SYMPK: variants seen among roughly 807,000 people sequenced by gnomAD.
SYMPK encodes the protein symplekin scaffold protein.
SYMPK carries 49 observed loss-of-function variants against 136.4 expected under a neutral mutation model. That is an observed-to-expected ratio of 0.36 (90% CI 0.29 to 0.46). SYMPK has a LOEUF of 0.46. SYMPK is among the 20% of genes least tolerant of loss of function. The pLI is 1.00. For synonymous variants in SYMPK, 766 were observed against 713.0 expected (o/e 1.07, Z -1.19); for missense variants, 1,365 against 1,690.0 (o/e 0.81, Z 3.37).
chr19:45,827,671 T>G, intron 15 of SYMPK, 48 bp from the exon 16 acceptor site: 1 of 1,558,190 alleles, frequency 6.4e-7, no homozygotes, highest in Non-Finnish European at 8.9e-7. Context: ...TGAGTGTGCC[T>G]CTGGGCTCTG....
intron 23 of SYMPK, among the ~76,000 whole-genome samples, chr19:45,817,415 C>CTTTTTTTTTTT (rs1568605953): frequency 5.4e-4 from 54 of 100,180 alleles, no homozygotes; most frequent in African/African-American, 2.0e-3. Context: ...TTTTTTTGTT[C>CTTTTTTTTTTT]TCTTTTTTTT....
At chr19:45,826,867 G>A (rs992083747) in intron 16 of SYMPK, among the ~76,000 whole-genome samples, 1 of 152,242 alleles carries the variant, frequency 6.6e-6, no homozygotes, top group Admixed American at 6.5e-5. Flanking sequence ...ACCCAGCAAG[G>A]GCTGGGGCAA....
At position 45,838,442 on chromosome 19, in the gene SYMPK, G is replaced by T; in HGVS notation, c.1242+19C>A. The T allele has an allele frequency of 6.2e-7, 1 of 1,601,602 alleles. No homozygotes were observed. Among genetic ancestry groups the T allele is most frequent in the Non-Finnish European group, 8.5e-7 (1 of 1,170,398 alleles). ...CTTCCTTCCTGCCCAGGGGGAAAAC[G>T]CTCCCCACCCATCCTCACCAGATTA... On this transcript the variant is annotated intron_variant, in intron 10 of 26. Coordinates refer to ENST00000245934, the MANE Select transcript of SYMPK (RefSeq NM_004819.3).
chr19:45,823,152 T>A (rs576556116), intron 20 of SYMPK, among the ~76,000 whole-genome samples: 1 of 152,134 alleles, frequency 6.6e-6, no homozygotes, highest in African/African-American at 2.4e-5. Flanking sequence ...AGCAGAGCCA[T>A]TGGCACCCGG....
At chr19:45,860,091 A>G (rs1290321623) in intron 1 of SYMPK, among the ~76,000 whole-genome samples, 1 of 151,306 alleles carries the variant, frequency 6.6e-6, no homozygotes, top group Non-Finnish European at 1.5e-5. Context: ...CCGTAGTCCA[A>G]CCTGGGCAAC....
At chr19:45,840,038 G>A (rs1169317871) in intron 9 of SYMPK, among the ~76,000 whole-genome samples, 1 of 152,094 alleles carries the variant, frequency 6.6e-6, no homozygotes, top group East Asian at 1.9e-4. Context: ...GACACCATGT[G>A]CCTCCTGATC....
In SYMPK at chr19:45,822,778, G is replaced by T. The variant is rs771071230; in HGVS notation, c.2769C>A (p.Asn923Lys). The T allele has an allele frequency of 6.2e-7, 1 of 1,614,076 alleles. No individual in the cohort carries two copies. The highest frequency in any genetic ancestry group is 8.5e-7 in the Non-Finnish European group (1 of 1,179,966). The stretch of plus-strand genomic sequence containing the variant: ...TACCATGCTGGGTGCCCAGCAGGCG[G>T]TTGAAGACTTCCTTCACCACGATGG... ...LNPIVVKEVFNRLLGTQHGEG... is the reference protein window; with the variant it reads ...LNPIVVKEVFKRLLGTQHGEG... Residue 923 changes from asparagine to lysine, a missense_variant, in exon 21 of 27, where the codon AAC becomes AAA. This residue lies in a region of SYMPK where 156 missense variants were observed against 217.8 expected (regional missense o/e 0.72). Transcript: ENST00000245934.
In SYMPK at chr19:45,818,004, C is replaced by CA; in HGVS notation, c.3035dup (p.Phe1015LeufsTer52). 1 of 1,581,376 alleles carries CA rather than the reference C, an allele frequency of 6.3e-7. No homozygotes were observed. The highest frequency in any genetic ancestry group is 1.8e-5 in the Admixed American group (1 of 55,202). ...ACAGGATGTTCATGACGAAGCCCCCCAGGCGGGGGTACATGGTCAGGGACT... is the reference window on the plus strand; with the variant it reads ...ACAGGATGTTCATGACGAAGCCCCCCAAGGCGGGGGTACATGGTCAGGGACT... On this transcript the variant is annotated frameshift_variant, in exon 23 of 27. Transcript: ENST00000245934. LOFTEE classifies it high-confidence loss of function.
chr19:45,833,542 C>T (rs537736870), intron 11 of SYMPK, among the ~76,000 whole-genome samples: 1 of 151,598 alleles, frequency 6.6e-6, no homozygotes, highest in Non-Finnish European at 1.5e-5. Flanking sequence ...GTGGAGCTTG[C>T]AGTGAGCTGA....
intron 1 of SYMPK, chr19:45,862,034 C>CA (rs34763252): frequency 0.13 from 15,647 of 118,838 alleles, 1,077 homozygotes; most frequent in African/African-American, 0.22. Flanking sequence ...GACCCTGTCT[C>CA]AAAAAAAAAA....
At chr19:45,824,357 C>T (rs181051912) in intron 18 of SYMPK, among the ~76,000 whole-genome samples, 39 of 152,322 alleles carry the variant, frequency 2.6e-4, no homozygotes, top group Admixed American at 8.5e-4. Flanking sequence ...AACGTTTACG[C>T]TCCTGACTAA....
At chr19:45,858,717 G>A (rs139645865) in intron 1 of SYMPK, among the ~76,000 whole-genome samples, 2,042 of 152,188 alleles carry the variant, frequency 0.013, 29 homozygotes, top group Middle Eastern at 0.071. Flanking sequence ...GTTTCTCCAT[G>A]TTGGTCAGGC....
chr19:45,815,532 T>C lies in SYMPK; in HGVS notation c.*28A>G. 1 of 1,402,450 alleles carries C rather than the reference T, an allele frequency of 7.1e-7. No homozygotes were observed. Among genetic ancestry groups the C allele is most frequent in the Non-Finnish European group, 9.5e-7 (1 of 1,048,282 alleles). The allele number at this position is 1,402,450 out of a possible 1,614,324, so 86.9% of individuals were successfully genotyped here. A position where few individuals can be genotyped will look rare whatever the true frequency, so the allele number is the denominator to read the frequency against. The stretch of plus-strand genomic sequence containing the variant: ...CCCGTCCCCCAGCCCCGAGTCCCTG[T>C]CCCACCCCCTTTCCCCCTCGAGCCC... On this transcript the variant is annotated 3_prime_UTR_variant, in exon 27 of 27. Transcript: ENST00000245934.
intron 9 of SYMPK, 71 bp from the exon 10 acceptor site, chr19:45,838,686 C>A (rs1971364721): frequency 6.6e-7 from 1 of 1,513,284 alleles, no homozygotes. Flanking sequence ...TCCGGGGTGC[C>A]CGGGTGGTCC....
intron 18 of SYMPK, among the ~76,000 whole-genome samples, chr19:45,824,880 G>A (rs1971001260): frequency 1.3e-5 from 2 of 152,252 alleles, no homozygotes. Context: ...AGCGTGGAGG[G>A]ACTGGAACGT....
At position 45,854,457 on chromosome 19, in the gene SYMPK, G is replaced by A. The variant is rs564870861; in HGVS notation, c.39C>T (p.Ser13=). The change falls in exon 2 of 27, where the codon AGC becomes AGT. Residue 13 remains serine, a synonymous_variant. Transcript: ENST00000245934. ...SGSGDSVTRR[S]VASQFFTQEE... is the part of the protein sequence containing the mutation. ...CTTGAGTGAAAAACTGTGATGCCAC[G>A]CTCCGACGGGTGACGCTGTCTCCAC... The A allele has an allele frequency of 5.0e-6, 8 of 1,613,934 alleles. No homozygotes were observed. Among genetic ancestry groups the A allele is most frequent in the Middle Eastern group, 1.6e-4 (1 of 6,080 alleles).
chr19:45,817,811 G>A (rs1007437414), intron 23 of SYMPK, 148 bp downstream of exon 23: 2 of 825,180 alleles, frequency 2.4e-6, no homozygotes, highest in Non-Finnish European at 3.7e-6. Flanking sequence ...ATACACCCTG[G>A]AGCACTGCTA....
At chr19:45,834,384 G>T (rs1282079649) in intron 11 of SYMPK, among the ~76,000 whole-genome samples, 2 of 151,912 alleles carry the variant, frequency 1.3e-5, no homozygotes, top group Non-Finnish European at 2.9e-5. Context: ...ATTTGAACTT[G>T]GGAGGCAGAG....
In SYMPK at chr19:45,816,926, G is replaced by A. The variant is rs776616150; in HGVS notation, c.3130C>T (p.Arg1044Cys). ...VWEGFIKCCQ[R>C]TKPQSFQVIL... ...ACCTGGAAGCTCTGGGGCTTTGTGC[G>A]CTGGCAGCACTTGATGAAGCCCTCC... Residue 1044 changes from arginine to cysteine, a missense_variant, in exon 24 of 27, where the codon CGC (arginine) becomes TGC (cysteine). Physicochemically the swap from Arg to Cys is radical, Grantham distance 180. This residue lies in a region of SYMPK where 156 missense variants were observed against 217.8 expected (regional missense o/e 0.72). Transcript: ENST00000245934. The A allele has an allele frequency of 2.6e-6, 4 of 1,559,400 alleles. No homozygotes were observed. Among genetic ancestry groups the A allele is most frequent in the South Asian group, 1.2e-5 (1 of 84,710 alleles).
Sources: allele counts gnomAD v4.1 joint callset (sites outside exome capture counted in the v4.1 genomes callset), GRCh38; gene constraint gnomAD v4.1.1; regional missense constraint gnomAD v4.1.1; transcripts MANE v1.5; gene names NCBI Gene and HGNC (gene_info 2026-07-23, HGNC 2026-07-21).